The following SLFN13 variants were observed in gnomAD, a reference collection of about 807,000 sequenced individuals.
SLFN13 encodes the protein schlafen family member 13.
A neutral mutation model predicts 50.6 loss-of-function variants in SLFN13; 43 were observed. The observed-to-expected ratio is 0.85, with a 90% CI of 0.67 to 1.09. SLFN13 has a LOEUF of 1.09. SLFN13 is among the 50% of genes least tolerant of loss of function. The probability of loss-of-function intolerance (pLI) is 0.00; values close to 1 mark genes in which losing one functional copy is unlikely to be tolerated. For missense variants in SLFN13, 881 were observed against 1,071.1 expected, an observed-to-expected ratio of 0.82 and a Z score of 2.48; for synonymous variants, 339 against 386.5, an observed-to-expected ratio of 0.88 and a Z score of 1.44.
Position 35,440,682 on chromosome 17 carries a change from A to C in SLFN13, c.2607T>G (p.His869Gln), listed in dbSNP as rs755796833. Residue 869 changes from histidine to glutamine, a missense_variant, in exon 6 of 6, where the codon CAT becomes CAG. Around this residue, in one of 5 missense-constraint regions of SLFN13, gnomAD observed 322 missense variants for 327.4 expected, o/e 0.98. Coordinates refer to ENST00000285013, the MANE Select transcript of SLFN13 (RefSeq NM_144682.6). Reference sequence around the variant, plus strand: ...AGATAGCTGGGTCAGCTGTCCTTGGATGGATCCCAAACACTATGCTCCTTT... The same window carrying C: ...AGATAGCTGGGTCAGCTGTCCTTGGCTGGATCCCAAACACTATGCTCCTTT... ...GLERSIVFGI[H>Q]PRTADPAILP... The C allele has an allele frequency of 5.0e-6, 8 of 1,614,116 alleles. No homozygotes were observed. In the South Asian group the frequency reaches 8.8e-5, roughly 18 times the overall value.
intron 3 of SLFN13, 81 bp downstream of exon 3, chr17:35,444,534 T>A (rs1212110760): frequency 2.0e-5 from 25 of 1,280,030 alleles, no homozygotes; most frequent in Non-Finnish European, 2.7e-5. Context: ...TGTGAGAAGG[T>A]CAAGCTTAGA....
Position 35,436,919 on chromosome 17 carries a change from G to A in SLFN13, c.*3676C>T, listed in dbSNP as rs1912659988. On this transcript the variant is annotated 3_prime_UTR_variant, in exon 6 of 6. Coordinates refer to ENST00000285013, the MANE Select transcript of SLFN13 (RefSeq NM_144682.6). Reference sequence around the variant, plus strand: ...ACATAAAGACACTTGAGGCACAACTGATATAATTCAATAAAGTCTACAGAT... The same window carrying A: ...ACATAAAGACACTTGAGGCACAACTAATATAATTCAATAAAGTCTACAGAT... 1 of 152,086 alleles carries A rather than the reference G, an allele frequency of 6.6e-6. No homozygotes were observed. The highest frequency in any genetic ancestry group is 2.4e-5 in the African/African-American group (1 of 41,432). The allele number at this position is 152,086 out of a possible 1,614,324, so 9.4% of individuals were successfully genotyped here.
chr17:35,442,259 G>A lies in SLFN13; in HGVS notation c.1226C>T (p.Pro409Leu). 4 of 1,602,118 alleles carry A rather than the reference G, an allele frequency of 2.5e-6. No individual in the cohort carries two copies. The highest frequency in any genetic ancestry group is 3.4e-6 in the Non-Finnish European group (4 of 1,173,704). Residue 409 changes from proline (P) to leucine (L), a missense_variant, in exon 5 of 6, where the codon CCA becomes CTA. By Grantham distance (98) the Pro-to-Leu change is moderately conservative (BLOSUM62 -3). Coordinates refer to ENST00000285013, the MANE Select transcript of SLFN13 (RefSeq NM_144682.6). ...AGACAGCTCCTTCCAGAGGGACTCT[G>A]GAGTACATTCCAAATGTCCTGGTGG... ...PVPPGHLECT[P>L]ESLWKELSLQ... is the part of the protein sequence containing the mutation.
chr17:35,444,219 T>G (rs1206550495), intron 3 of SLFN13, among the ~76,000 whole-genome samples: 1 of 152,196 alleles, frequency 6.6e-6, no homozygotes, highest in East Asian at 1.9e-4. Flanking sequence ...ATCATCAGGT[T>G]TTTATATCCC....
rs931436182 is a variant in SLFN13, at chr17:35,438,187, C to T, written c.*2408G>A. Reference sequence around the variant, plus strand: ...CATTTTTGGCTGTATCATGGAGTTGCTGGCCTCAGTCTTCTCCTTTTCCTC... The same window carrying T: ...CATTTTTGGCTGTATCATGGAGTTGTTGGCCTCAGTCTTCTCCTTTTCCTC... On this transcript the variant is annotated 3_prime_UTR_variant, in exon 6 of 6. Coordinates refer to ENST00000285013, the MANE Select transcript of SLFN13 (RefSeq NM_144682.6). 1 of 151,276 alleles carries T rather than the reference C, an allele frequency of 6.6e-6. No homozygotes were observed. The highest frequency in any genetic ancestry group is 1.5e-5 in the Non-Finnish European group (1 of 67,922). 9.4% of individuals were successfully genotyped at this position (151,276 alleles called of 1,614,324 possible). A position where few individuals can be genotyped will look rare whatever the true frequency, so the allele number is the denominator to read the frequency against.
chr17:35,437,192 TTTATTA>T lies in SLFN13; in HGVS notation c.*3397_*3402del, dbSNP rs1165643880. 1 of 152,202 alleles carries T rather than the reference TTTATTA, an allele frequency of 6.6e-6. No homozygotes were observed. The highest frequency in any genetic ancestry group is 2.4e-5 in the African/African-American group (1 of 41,542). 9.4% of individuals were successfully genotyped at this position (152,202 alleles called of 1,614,324 possible). ...TAACTAATTTTAAACTTTTGATTGTTTTATTATTATTTTGTTAGACATGGGGTCTTA... is the reference window on the plus strand; with the variant it reads ...TAACTAATTTTAAACTTTTGATTGTTTTATTTTGTTAGACATGGGGTCTTA... On this transcript the variant is annotated 3_prime_UTR_variant, in exon 6 of 6. Transcript: ENST00000285013.
chr17:35,444,041 T>C lies in SLFN13; in HGVS notation c.1067-121A>G, dbSNP rs1488677633. The C allele has an allele frequency of 5.4e-6, 5 of 919,184 alleles. No individual in the cohort carries two copies. The East Asian group carries it at 8.3e-5, about 15-fold the overall frequency. The allele number at this position is 919,184 out of a possible 1,614,324, so 56.9% of individuals were successfully genotyped here. A position where few individuals can be genotyped will look rare whatever the true frequency, so the allele number is the denominator to read the frequency against. On this transcript the variant is annotated intron_variant, in intron 3 of 5. Coordinates refer to ENST00000285013, the MANE Select transcript of SLFN13 (RefSeq NM_144682.6). ...GTACAAGTCAGGCCACAAAGTCAGA[T>C]GCTTTACCCTTTCTTGACTCTATGT...
Position 35,440,818 on chromosome 17 carries a change from G to T in SLFN13, c.2471C>A (p.Ser824Tyr), listed in dbSNP as rs1026518610. 9 of 1,614,110 alleles carry T rather than the reference G, an allele frequency of 5.6e-6. No homozygotes were observed. The African/African-American group carries it at 1.2e-4, about 22-fold the overall frequency. Residue 824 changes from serine to tyrosine, a missense_variant, in exon 6 of 6, where the codon TCT becomes TAT. Ser to Tyr is a moderately radical substitution (Grantham distance 144). This residue lies in a region of SLFN13 where 322 missense variants were observed against 327.4 expected (regional missense o/e 0.98). Transcript: ENST00000285013. ...STVTEVEQYQSKLLKAMRKKM... is the reference protein window; with the variant it reads ...STVTEVEQYQYKLLKAMRKKM... ...CTTCCTCATTGCTTTCAAGAGCTTA[G>T]ACTGATACTGCTCCACTTCTGTCAC...
At position 35,444,834 on chromosome 17, in the gene SLFN13, C is replaced by T; in HGVS notation, c.847G>A (p.Val283Ile). 3 of 1,614,186 alleles carry T rather than the reference C, an allele frequency of 1.9e-6. No homozygotes were observed. Among genetic ancestry groups the T allele is most frequent in the South Asian group, 2.2e-5 (2 of 91,084 alleles). ...CGAGGTTTTGAAGAGCAAAAATGAACAATGGGCAACTTAGAAATTGCTCTT... is the reference window on the plus strand; with the variant it reads ...CGAGGTTTTGAAGAGCAAAAATGAATAATGGGCAACTTAGAAATTGCTCTT... ...IARAISKLPIVHFCSSKPRVE... is the reference protein window; with the variant it reads ...IARAISKLPIIHFCSSKPRVE... The change falls in exon 3 of 6, where the codon GTT (valine) becomes ATT (isoleucine). Residue 283 changes from valine (V) to isoleucine (I), a missense_variant. By Grantham distance (29) the Val-to-Ile change is conservative. Around this residue, in one of 5 missense-constraint regions of SLFN13, gnomAD observed 497 missense variants for 518.3 expected, o/e 0.96. Coordinates refer to ENST00000285013, the MANE Select transcript of SLFN13 (RefSeq NM_144682.6).
upstream of SLFN13, among the ~76,000 whole-genome samples, chr17:35,449,044 TACAACA>T (rs10610343): frequency 3.1e-4 from 46 of 148,130 alleles, no homozygotes; most frequent in South Asian, 1.3e-3. Context: ...CCCCCGTCTG[TACAACA>T]ACAACAACAA....
At position 35,435,977 on chromosome 17, in the gene SLFN13, C is replaced by G. The variant is rs1333028401; in HGVS notation, c.*4618G>C. 1.3e-5 allele frequency: 2 copies of G among 152,064 alleles called. No homozygotes were observed. The highest frequency in any genetic ancestry group is 4.8e-5 in the African/African-American group (2 of 41,414). 9.4% of individuals were successfully genotyped at this position (152,064 alleles called of 1,614,324 possible). On this transcript the variant is annotated 3_prime_UTR_variant, in exon 6 of 6. Coordinates refer to ENST00000285013, the MANE Select transcript of SLFN13 (RefSeq NM_144682.6). ...ATCAACGTTGAATTCCTGACTTGAACCACCTTGGTCGTGGTGTATTATCAC... is the reference window on the plus strand; with the variant it reads ...ATCAACGTTGAATTCCTGACTTGAAGCACCTTGGTCGTGGTGTATTATCAC...
chr17:35,441,198 A>G lies in SLFN13; in HGVS notation c.2091T>C (p.Val697=). ...ITQREKDCPG[V]LWIFLDYFQT... is the part of the protein sequence containing the mutation. ...GAAAGTAGTCCAGAAAGATCCAGAG[A>G]ACTCCTGGACAATCCTTTTCTCTCT... The change falls in exon 6 of 6, where the codon GTT becomes GTC. Residue 697 remains valine, a synonymous_variant. Coordinates refer to ENST00000285013, the MANE Select transcript of SLFN13 (RefSeq NM_144682.6). 6.2e-7 allele frequency: 1 copy of G among 1,614,036 alleles called. No individual in the cohort carries two copies. Among genetic ancestry groups the G allele is most frequent in the Non-Finnish European group, 8.5e-7 (1 of 1,179,986 alleles).
In SLFN13 at chr17:35,440,300, C is replaced by T; in HGVS notation, c.*295G>A. ...ATTTTTATGGCTTTTACCCAGAGAG[C>T]AAGACACAGGTCTGCATTGTGCAGC... On this transcript the variant is annotated 3_prime_UTR_variant, in exon 6 of 6. Transcript: ENST00000285013. 3.0e-6 allele frequency: 1 copy of T among 337,238 alleles called. No homozygotes were observed. 20.9% of individuals were successfully genotyped at this position (337,238 alleles called of 1,614,324 possible). A position where few individuals can be genotyped will look rare whatever the true frequency, so the allele number is the denominator to read the frequency against.
rs768631522 is a variant in SLFN13 at position 35,445,621 on chromosome 17, A to T, written c.60T>A (p.Asp20Glu). 6.2e-7 allele frequency: 1 copy of T among 1,614,118 alleles called. No homozygotes were observed. The highest frequency in any genetic ancestry group is 8.5e-7 in the Non-Finnish European group (1 of 1,180,000). ...VYPSYPDLVI[D>E]VGEVTLGEEN... ...CTTCTCCCAGAGTCACTTCTCCGAC[A>T]TCGATGACCAGGTCTGGGTAAGATG... The change falls in exon 3 of 6, where the codon GAT becomes GAA. Residue 20 changes from aspartate to glutamate, a missense_variant. Asp to Glu is a conservative substitution (Grantham distance 45, BLOSUM62 2). Transcript: ENST00000285013.
At position 35,437,482 on chromosome 17, in the gene SLFN13, C is replaced by A. The variant is rs1443846457; in HGVS notation, c.*3113G>T. On this transcript the variant is annotated 3_prime_UTR_variant, in exon 6 of 6. Transcript: ENST00000285013. ...TATTTGTCTTTCACTATGCTCAAGG[C>A]TTTACTAAGTTTTGTTAAAAGTAGG... The A allele has an allele frequency of 6.6e-6, 1 of 152,094 alleles. No individual in the cohort carries two copies. Among genetic ancestry groups the A allele is most frequent in the Non-Finnish European group, 1.5e-5 (1 of 68,024 alleles). The allele number at this position is 152,094 out of a possible 1,614,324, so 9.4% of individuals were successfully genotyped here.
At position 35,444,886 on chromosome 17, in the gene SLFN13, G is replaced by A; in HGVS notation, c.795C>T (p.Asp265=). Residue 265 remains aspartate (D), a synonymous_variant, in exon 3 of 6, where the codon GAC becomes GAT. Transcript: ENST00000285013. The part of the protein sequence containing the change: ...KVLGCAKEQV[D]PDSLKNVIAR... ...CAATTACATTTTTCAAAGAGTCAGG[G>A]TCAACCTGTTCTTTGGCACATCCCA... 6.2e-7 allele frequency: 1 copy of A among 1,614,172 alleles called. No homozygotes were observed. Among genetic ancestry groups the A allele is most frequent in the African/African-American group, 1.3e-5 (1 of 75,034 alleles).
At chr17:35,446,292 A>T (rs768451658) in intron 2 of SLFN13, among the ~76,000 whole-genome samples, 5 of 152,248 alleles carry the variant, frequency 3.3e-5, no homozygotes, top group Admixed American at 6.5e-5. Context: ...TACTGCTGAC[A>T]GATACAGCTA....
Position 35,441,363 on chromosome 17 carries a change from A to G in SLFN13, c.1926T>C (p.Asp642=). 1 of 1,594,714 alleles carries G rather than the reference A, an allele frequency of 6.3e-7. No homozygotes were observed. Among genetic ancestry groups the G allele is most frequent in the Non-Finnish European group, 8.5e-7 (1 of 1,173,778 alleles). Residue 642 remains aspartate, a synonymous_variant, in exon 6 of 6, where the codon GAT becomes GAC. Transcript: ENST00000285013. ...GGGTCTCTGCTCGGCAGATATTTCTATCACTGTAAAAATTAAAAGAATACA... is the reference window on the plus strand; with the variant it reads ...GGGTCTCTGCTCGGCAGATATTTCTGTCACTGTAAAAATTAAAAGAATACA... ...ENQPLRNFIS[D]RNICRAETRE... is the part of the protein sequence containing the mutation.
In SLFN13 at chr17:35,439,842, T is replaced by C. The variant is rs1383842402; in HGVS notation, c.*753A>G. 6.6e-6 allele frequency: 1 copy of C among 152,092 alleles called. No homozygotes were observed. Among genetic ancestry groups the C allele is most frequent in the African/African-American group, 2.4e-5 (1 of 41,430 alleles). 9.4% of individuals were successfully genotyped at this position (152,092 alleles called of 1,614,324 possible). Reference sequence around the variant, plus strand: ...TTCACCGTACATCTGATACACACTTTCAGAACCAGATTTGGGTTTCTAATA... The same window carrying C: ...TTCACCGTACATCTGATACACACTTCCAGAACCAGATTTGGGTTTCTAATA... On this transcript the variant is annotated 3_prime_UTR_variant, in exon 6 of 6. Coordinates refer to ENST00000285013, the MANE Select transcript of SLFN13 (RefSeq NM_144682.6).
Sources: gnomAD v4.1 joint callset for allele counts (sites outside exome capture counted in the v4.1 genomes callset) on GRCh38, gnomAD v4.1.1 for gene constraint, gnomAD v4.1.1 regional missense constraint, MANE v1.5 for transcripts, NCBI Gene and HGNC (gene_info 2026-07-23, HGNC 2026-07-21) for gene names.